Variants in DIXDC1 observed in about 807,000 individuals in gnomAD.
The protein encoded by DIXDC1 is DIX domain containing 1, also known as dixin.
A neutral mutation model predicts 103.1 loss-of-function variants in DIXDC1; 64 were observed. That is an observed-to-expected ratio of 0.62 (90% confidence interval 0.51 to 0.76). The LOEUF is 0.76. Ranked by LOEUF, DIXDC1 falls within the 30% of genes least tolerant of loss-of-function variation. The probability of loss-of-function intolerance (pLI) is 0.00; values close to 1 mark genes in which losing one functional copy is unlikely to be tolerated. For missense variants in DIXDC1, 759 were observed against 834.2 expected (o/e 0.91, Z 1.11); for synonymous variants, 266 against 298.5 (o/e 0.89, Z 1.12).
intron 7 of DIXDC1, among the ~76,000 whole-genome samples, 190 bp downstream of exon 7, chr11:111,982,677 A>G (rs1208391644): frequency 6.6e-6 from 1 of 152,182 alleles, no homozygotes; most frequent in East Asian, 1.9e-4. Context: ...TTTGTGGGCT[A>G]CCGTTCATAG....
chr11:112,006,589 G>A (rs1239199675), intron 17 of DIXDC1, among the ~76,000 whole-genome samples: 1 of 152,210 alleles, frequency 6.6e-6, no homozygotes, highest in Non-Finnish European at 1.5e-5. Flanking sequence ...AGCTTACAGA[G>A]GAAGGATCAG....
At chr11:111,937,104 G>A (rs587765191), upstream of DIXDC1, 39 of 483,744 alleles carry the variant, frequency 8.1e-5, no homozygotes, top group South Asian at 6.3e-4. Flanking sequence ...TGTAGCGCAC[G>A]CACACACGCC....
intron 17 of DIXDC1, among the ~76,000 whole-genome samples, chr11:111,999,383 A>G (rs1411131624): frequency 6.6e-6 from 1 of 152,230 alleles, no homozygotes; most frequent in Non-Finnish European, 1.5e-5. Context: ...ACAACTGGAT[A>G]TTTCCATGAA....
At chr11:112,008,023 A>G (rs1861291569) in intron 17 of DIXDC1, among the ~76,000 whole-genome samples, 1 of 152,012 alleles carries the variant, frequency 6.6e-6, no homozygotes, top group African/African-American at 2.4e-5. Flanking sequence ...CAAATTGGAT[A>G]GAGTCAAACC....
Position 111,937,394 on chromosome 11 carries a change from G to T in DIXDC1, c.-106G>T. On this transcript the variant is annotated 5_prime_UTR_variant, in exon 1 of 20. Coordinates refer to ENST00000440460, the MANE Select transcript of DIXDC1 (RefSeq NM_001037954.4). ...TAAGTGGCATGCGGGACTCCGGAGGGATCCCAATGAGCTGAGCCGAGAGCC... is the reference window on the plus strand; with the variant it reads ...TAAGTGGCATGCGGGACTCCGGAGGTATCCCAATGAGCTGAGCCGAGAGCC... 1 of 1,489,978 alleles carries T rather than the reference G, an allele frequency of 6.7e-7. No homozygotes were observed. The highest frequency in any genetic ancestry group is 8.9e-7 in the Non-Finnish European group (1 of 1,119,954). 92.3% of individuals were successfully genotyped at this position (1,489,978 alleles called of 1,614,324 possible). A position where few individuals can be genotyped will look rare whatever the true frequency, so the allele number is the denominator to read the frequency against.
intron 3 of DIXDC1, among the ~76,000 whole-genome samples, chr11:111,973,313 A>G (rs1227505003): frequency 3.3e-5 from 5 of 152,076 alleles, no homozygotes; most frequent in Admixed American, 3.3e-4. Context: ...TAGAGGTTGC[A>G]GTGAGCCAAG....
At chr11:111,927,870 G>C (rs1484720161) in intron 1 of DIXDC1, among the ~76,000 whole-genome samples, 1 of 151,398 alleles carries the variant, frequency 6.6e-6, no homozygotes, top group Non-Finnish European at 1.5e-5. Context: ...ACAAAAATTA[G>C]CCAGGCATGG....
At chr11:111,990,036 C>T (rs1208086680) in intron 10 of DIXDC1, among the ~76,000 whole-genome samples, 14 of 150,180 alleles carry the variant, frequency 9.3e-5, no homozygotes, top group African/African-American at 1.7e-4. Context: ...GTGATCTGCC[C>T]GCCTTGGCCT....
intron 1 of DIXDC1, among the ~76,000 whole-genome samples, chr11:111,953,142 GAA>G (rs1269259478): frequency 1.3e-5 from 2 of 152,256 alleles, no homozygotes; most frequent in Admixed American, 6.5e-5. Flanking sequence ...ACAAAAGAAA[GAA>G]AGAGAAATAA....
intron 1 of DIXDC1, among the ~76,000 whole-genome samples, chr11:111,941,759 A>C (rs1235003798): frequency 6.6e-6 from 1 of 151,538 alleles, no homozygotes; most frequent in African/African-American, 2.4e-5. Context: ...TTGAGGCTGC[A>C]ATGAGCCATG....
intron 6 of DIXDC1, 95 bp from the exon 7 acceptor site, chr11:111,982,244 G>A: frequency 7.3e-7 from 1 of 1,375,776 alleles, no homozygotes; most frequent in Admixed American, 2.4e-5. Context: ...TCAGAACGCA[G>A]GTGACCTGAA....
At chr11:111,980,891 C>T (rs782045971) in intron 6 of DIXDC1, 42 bp downstream of exon 6, 2 of 1,546,780 alleles carry the variant, frequency 1.3e-6, no homozygotes, top group South Asian at 1.1e-5. Flanking sequence ...AAGGAACAGT[C>T]AGCTTGAAGA....
chr11:111,928,560 A>T (rs1965910690), intron 1 of DIXDC1: 1 of 151,234 alleles, frequency 6.6e-6, no homozygotes, highest in Non-Finnish European at 1.5e-5. Flanking sequence ...CAGGAGCTCG[A>T]GACCAGCATG....
intron 4 of DIXDC1, 157 bp downstream of exon 4, chr11:111,974,411 A>T (rs1860032445): frequency 4.5e-6 from 3 of 671,700 alleles, no homozygotes; most frequent in Non-Finnish European, 7.3e-6. Context: ...CTCAAAAGAG[A>T]AAAGCCTTTT....
chr11:111,968,741 C>G (rs1262892956), intron 3 of DIXDC1, 103 bp downstream of exon 3: 8 of 1,215,172 alleles, frequency 6.6e-6, no homozygotes, highest in Non-Finnish European at 8.7e-6. Context: ...TAGAAAGTCT[C>G]CATTCATTTT....
At chr11:111,941,050 G>A (rs1211940831) in intron 1 of DIXDC1, among the ~76,000 whole-genome samples, 1 of 152,200 alleles carries the variant, frequency 6.6e-6, no homozygotes, top group African/African-American at 2.4e-5. Flanking sequence ...AGGAGTTAGA[G>A]GCTGCAGTGT....
Position 111,977,797 on chromosome 11 carries a change from G to A in DIXDC1, c.656+2814G>A. 6.4e-7 allele frequency: 1 copy of A among 1,564,534 alleles called. No homozygotes were observed. Among genetic ancestry groups the A allele is most frequent in the Non-Finnish European group, 8.7e-7 (1 of 1,154,934 alleles). Reference sequence around the variant, plus strand: ...ATGGGAGGGACGCAAGTCAAATGGTGAGCTGAAGCCACTCTGGCTTTGGAA... The same window carrying A: ...ATGGGAGGGACGCAAGTCAAATGGTAAGCTGAAGCCACTCTGGCTTTGGAA... On this transcript the variant is annotated intron_variant, in intron 5 of 19. Coordinates refer to ENST00000440460, the MANE Select transcript of DIXDC1 (RefSeq NM_001037954.4). This position sits in a 1 kb window ranked among gnomAD's most constrained non-coding sequence, Gnocchi z 6.1.
intron 7 of DIXDC1, among the ~76,000 whole-genome samples, chr11:111,984,461 G>A (rs1220093716): frequency 4.6e-5 from 7 of 152,154 alleles, no homozygotes; most frequent in Non-Finnish European, 7.3e-5. Flanking sequence ...CATGAGACTT[G>A]CTTGAACCCT....
chr11:111,946,309 C>T (rs1257568011), intron 1 of DIXDC1, among the ~76,000 whole-genome samples: 1 of 152,238 alleles, frequency 6.6e-6, no homozygotes, highest in East Asian at 1.9e-4. Flanking sequence ...GGGGTTTCAC[C>T]GTGTTAGCCA....
Sources: allele counts gnomAD v4.1 joint callset (sites outside exome capture counted in the v4.1 genomes callset), GRCh38; gene constraint gnomAD v4.1.1; non-coding constraint Gnocchi (gnomAD v3.1); transcripts MANE v1.5; gene names NCBI Gene and HGNC (gene_info 2026-07-23, HGNC 2026-07-21).